The following DENND2B variants were observed in gnomAD, a reference collection of about 807,000 sequenced individuals.
DENND2B encodes the protein DENN domain containing 2B, also known as DENN domain-containing protein 2B.
DENND2B carries 32 observed loss-of-function variants against 116.0 expected under a neutral mutation model. The ratio of observed to expected loss-of-function variants is 0.28; its 90% CI spans 0.21 to 0.37. DENND2B has a LOEUF of 0.37. Among genes scored for constraint, DENND2B ranks in the 10% least tolerant of loss-of-function variants. The pLI, the probability that DENND2B is intolerant of heterozygous loss-of-function variation, is 1.00. For synonymous variants in DENND2B, 588 were observed against 583.9 expected (o/e 1.01, Z -0.10); for missense variants, 1,276 against 1,477.7 (o/e 0.86, Z 2.24).
intron 2 of DENND2B, among the ~76,000 whole-genome samples, chr11:8,750,342 A>G (rs1372645354): frequency 1.3e-5 from 2 of 152,218 alleles, no homozygotes; most frequent in African/African-American, 4.8e-5. Context: ...CCACCATGGG[A>G]AAAGGTTACA....
rs1378523323 is a variant in DENND2B at position 8,824,751 on chromosome 11, C to A, written c.-114-13416G>T. Among the ~76,000 whole-genome samples the A allele has an allele frequency of 2.0e-5, 3 of 151,190 alleles. No homozygotes were observed. In the East Asian group the frequency reaches 5.9e-4, roughly 29 times the overall value. On this transcript the variant is annotated intron_variant, in intron 4 of 6. Coordinates refer to the DENND2B transcript ENST00000524757. ...TCACCCAGTCTGGAATGCAGTGGCA[C>A]AATCTCGGCTTGCTGCAGCCACCAC... is the stretch of plus-strand genomic sequence containing the variant.
At chr11:8,724,561 C>T (rs923169489) in intron 4 of DENND2B, among the ~76,000 whole-genome samples, 6 of 152,136 alleles carry the variant, frequency 3.9e-5, no homozygotes, top group Non-Finnish European at 7.4e-5. Context: ...TTGAAATGAA[C>T]GCCAAAAAAC....
chr11:8,832,182 G>A (rs1002180816), intron 4 of DENND2B, among the ~76,000 whole-genome samples: 1 of 152,116 alleles, frequency 6.6e-6, no homozygotes, highest in Admixed American at 6.5e-5. Flanking sequence ...GCCAGGCACA[G>A]TGGCTCACGC....
At chr11:8,888,180 A>G (rs138506636) in intron 1 of DENND2B, among the ~76,000 whole-genome samples, 3 of 152,320 alleles carry the variant, frequency 2.0e-5, no homozygotes, top group East Asian at 1.9e-4. Context: ...ATTTTGGTCA[A>G]TTTCGGCTCT....
intron 3 of DENND2B, among the ~76,000 whole-genome samples, chr11:8,849,356 G>A (rs2062923580): frequency 6.6e-6 from 1 of 151,970 alleles, no homozygotes; most frequent in South Asian, 2.1e-4. Flanking sequence ...TGCCAGGTGT[G>A]GTGGCAGATG....
At chr11:8,872,579 T>A (rs1253777303), upstream of DENND2B, among the ~76,000 whole-genome samples, 1 of 151,876 alleles carries the variant, frequency 6.6e-6, no homozygotes, top group African/African-American at 2.4e-5. Flanking sequence ...ACCAAACTGA[T>A]AAAGTCTACT....
At chr11:8,891,469 C>T (rs1048684045) in intron 1 of DENND2B, among the ~76,000 whole-genome samples, 3 of 152,134 alleles carry the variant, frequency 2.0e-5, no homozygotes, top group Admixed American at 6.6e-5. Flanking sequence ...AGTCAAGACC[C>T]ATCAGTGTGC....
chr11:8,735,637 C>T (rs529151098), intron 2 of DENND2B, among the ~76,000 whole-genome samples: 2 of 152,368 alleles, frequency 1.3e-5, no homozygotes, highest in Admixed American at 1.3e-4. Flanking sequence ...TTGGATCTCT[C>T]TCTCACTACT....
intron 1 of DENND2B, among the ~76,000 whole-genome samples, chr11:8,798,297 T>G (rs1381517662): frequency 1.3e-5 from 2 of 152,210 alleles, no homozygotes; most frequent in Non-Finnish European, 2.9e-5. Flanking sequence ...ATAAATACAT[T>G]CAGTTTCCGA....
At chr11:8,830,727 G>A (rs1460558781) in intron 4 of DENND2B, 1 of 152,144 alleles carries the variant, frequency 6.6e-6, no homozygotes, top group Non-Finnish European at 1.5e-5. Flanking sequence ...CCACTCTGGT[G>A]GGGGAAAGAG....
At chr11:8,800,022 T>C (rs1178662818) in intron 1 of DENND2B, among the ~76,000 whole-genome samples, 1 of 151,796 alleles carries the variant, frequency 6.6e-6, no homozygotes, top group Non-Finnish European at 1.5e-5. Context: ...GGCACAATCA[T>C]AGCTCACTAT....
At position 8,698,244 on chromosome 11, in the gene DENND2B, TCCTC is replaced by T. The variant is rs1337322985; in HGVS notation, c.2941-612_2941-609del. Among the ~76,000 whole-genome samples, 5 of 147,728 alleles carry T rather than the reference TCCTC, an allele frequency of 3.4e-5. No homozygotes were observed. The East Asian group carries it at 1.1e-3, about 31-fold the overall frequency. On this transcript the variant is annotated intron_variant, in intron 16 of 19. Transcript: ENST00000313726. ...GGGTTCCTGATTAGGTCTCCCCAATTCCTCCATCTTCAGCTCCAGGCAGGAGGCA... is the reference window on the plus strand; with the variant it reads ...GGGTTCCTGATTAGGTCTCCCCAATTCATCTTCAGCTCCAGGCAGGAGGCA...
intron 4 of DENND2B, among the ~76,000 whole-genome samples, chr11:8,836,570 C>A (rs1477504668): frequency 2.0e-5 from 3 of 151,832 alleles, no homozygotes; most frequent in Admixed American, 2.0e-4. Context: ...TACAGGCATT[C>A]GCCACCATAC....
intron 1 of DENND2B, among the ~76,000 whole-genome samples, chr11:8,789,204 A>G (rs2059164559): frequency 6.6e-6 from 1 of 152,262 alleles, no homozygotes; most frequent in Admixed American, 6.5e-5. Flanking sequence ...AAGAATAGAA[A>G]TAAAACAAGC....
At chr11:8,853,076 A>T (rs779336171) in intron 3 of DENND2B, among the ~76,000 whole-genome samples, 3 of 152,170 alleles carry the variant, frequency 2.0e-5, no homozygotes, top group Non-Finnish European at 4.4e-5. Flanking sequence ...TTATGAAAGA[A>T]GCTTCGGCCA....
At chr11:8,788,710 C>T (rs1472920943) in intron 1 of DENND2B, among the ~76,000 whole-genome samples, 1 of 152,186 alleles carries the variant, frequency 6.6e-6, no homozygotes, top group African/African-American at 2.4e-5. Context: ...AATTCCACTT[C>T]CACTTGAGTC....
rs755075702 is a variant in DENND2B at position 8,707,089 on chromosome 11, T to C, written c.2567A>G (p.Asn856Ser). 24 of 1,612,818 alleles carry C rather than the reference T, an allele frequency of 1.5e-5. No individual in the cohort carries two copies. The highest frequency in any genetic ancestry group is 1.6e-4 in the Middle Eastern group (1 of 6,080). Residue 856 changes from asparagine to serine, a missense_variant, in exon 13 of 20, where the codon AAT becomes AGT. Physicochemically the swap from Asn to Ser is conservative, Grantham distance 46. Coordinates refer to ENST00000313726, the MANE Select transcript of DENND2B (RefSeq NM_213618.2). This position sits in a 1 kb window ranked among gnomAD's most constrained non-coding sequence, Gnocchi z 4.8. ...AGAGGGTGCAGAAATCCCTACCTCA[T>C]TGCCAGCACCTGGCAGGAATGTCTT... is the stretch of plus-strand genomic sequence containing the variant. Reference protein sequence around the residue: ...KVKTFLPGAGNEVLELRRPMD... With the variant: ...KVKTFLPGAGSEVLELRRPMD...
intron 2 of DENND2B, among the ~76,000 whole-genome samples, chr11:8,863,381 C>T (rs1281317712): frequency 7.0e-6 from 1 of 143,822 alleles, no homozygotes; most frequent in African/African-American, 2.6e-5. Context: ...TACAGGCACA[C>T]GCTGCCACGC....
chr11:8,840,677 G>C (rs1213652747), intron 3 of DENND2B, among the ~76,000 whole-genome samples: 1 of 152,130 alleles, frequency 6.6e-6, no homozygotes, highest in African/African-American at 2.4e-5. Flanking sequence ...TCTCAAGTAA[G>C]ACTCCTACCC....
Sources: gnomAD v4.1 joint callset for allele counts (sites outside exome capture counted in the v4.1 genomes callset) on GRCh38, gnomAD v4.1.1 for gene constraint, Gnocchi (gnomAD v3.1) non-coding constraint, MANE v1.5 for transcripts, NCBI Gene and HGNC (gene_info 2026-07-23, HGNC 2026-07-21) for gene names.